BCL2: variants seen among roughly 807,000 people sequenced by gnomAD.
BCL2 encodes the protein BCL2 apoptosis regulator.
A neutral mutation model predicts 14.2 loss-of-function variants in BCL2; 1 was observed. The observed-to-expected ratio is 0.07, with a 90% CI of 0.02 to 0.33. The LOEUF is 0.33. Ranked by LOEUF, BCL2 falls within the 10% of genes least tolerant of loss-of-function variation. The pLI is 0.99. For missense variants in BCL2, 247 were observed against 305.9 expected (o/e 0.81, Z 1.44); for synonymous variants, 151 against 137.2 (o/e 1.10, Z -0.70).
At chr18:63,202,628 A>G (rs576195459) in intron 2 of BCL2, among the ~76,000 whole-genome samples, 16 of 152,310 alleles carry the variant, frequency 1.1e-4, no homozygotes, top group African/African-American at 3.6e-4. Flanking sequence ...TGTTTACAGT[A>G]TTATTGCTTG....
intron 2 of BCL2, among the ~76,000 whole-genome samples, chr18:63,251,020 G>C (rs2144207874): frequency 6.6e-6 from 1 of 152,124 alleles, no homozygotes; most frequent in Non-Finnish European, 1.5e-5. Context: ...TTCTTGGCTG[G>C]GTTATGAATT....
intron 2 of BCL2, among the ~76,000 whole-genome samples, chr18:63,271,899 T>A (rs1171400249): frequency 6.6e-6 from 1 of 152,234 alleles, no homozygotes; most frequent in Admixed American, 6.5e-5. Context: ...CCAGGGTTGA[T>A]GAACCCCTGG....
At chr18:63,222,204 G>A (rs1331671126) in intron 2 of BCL2, among the ~76,000 whole-genome samples, 1 of 148,518 alleles carries the variant, frequency 6.7e-6, no homozygotes, top group Non-Finnish European at 1.5e-5. Flanking sequence ...AACTTGGGAG[G>A]CAGAGGTTTC....
intron 2 of BCL2, among the ~76,000 whole-genome samples, chr18:63,187,482 C>T (rs564458293): frequency 2.0e-5 from 3 of 152,306 alleles, no homozygotes; most frequent in African/African-American, 4.8e-5. Flanking sequence ...TTCAGGACTC[C>T]GTGTAGTTAT....
At chr18:63,289,272 A>G (rs1912568651) in intron 2 of BCL2, among the ~76,000 whole-genome samples, 1 of 152,182 alleles carries the variant, frequency 6.6e-6, no homozygotes, top group Admixed American at 6.5e-5. Context: ...GAAAAATGGC[A>G]CAAAAAAAAA....
rs1404633261 is a variant in BCL2, at chr18:63,128,081, C to G, written c.*544G>C. On this transcript the variant is annotated 3_prime_UTR_variant, in exon 3 of 3. Transcript: ENST00000333681. ...TTCAGGCCAGGGAGGCATGGACTTC[C>G]CCCCACAGGAACCCTCCCTCTGTTA... 1 of 226,248 alleles carries G rather than the reference C, an allele frequency of 4.4e-6. No homozygotes were observed. The highest frequency in any genetic ancestry group is 2.2e-5 in the African/African-American group (1 of 44,850). 14.0% of individuals were successfully genotyped at this position (226,248 alleles called of 1,614,324 possible). A position where few individuals can be genotyped will look rare whatever the true frequency, so the allele number is the denominator to read the frequency against.
At chr18:63,192,017 C>A (rs1400937652) in intron 2 of BCL2, among the ~76,000 whole-genome samples, 1 of 152,218 alleles carries the variant, frequency 6.6e-6, no homozygotes, top group Non-Finnish European at 1.5e-5. Context: ...CTACTATGTG[C>A]AGGGTGCTCA....
At chr18:63,260,909 A>T (rs1032604770) in intron 2 of BCL2, among the ~76,000 whole-genome samples, 1 of 152,242 alleles carries the variant, frequency 6.6e-6, no homozygotes, top group African/African-American at 2.4e-5. Flanking sequence ...TACATAAAAC[A>T]GCACCCATAA....
At chr18:63,134,329 C>G (rs1568212227) in intron 2 of BCL2, among the ~76,000 whole-genome samples, 1 of 152,118 alleles carries the variant, frequency 6.6e-6, no homozygotes, top group Non-Finnish European at 1.5e-5. Flanking sequence ...CATAATTTGA[C>G]AGACAAAAAT....
rs1255282594 is a variant in BCL2, at chr18:63,123,772, A to T, written c.*4853T>A. The T allele has an allele frequency of 4.6e-6, 1 of 219,000 alleles. No homozygotes were observed. Among genetic ancestry groups the T allele is most frequent in the Non-Finnish European group, 9.2e-6 (1 of 109,086 alleles). The allele number at this position is 219,000 out of a possible 1,614,324, so 13.6% of individuals were successfully genotyped here. ...AGCTTCCCCAAAAGAAATGCAATCC[A>T]CTGTCACTCTTGCAAATTCTACCTT... On this transcript the variant is annotated 3_prime_UTR_variant, in exon 3 of 3. Coordinates refer to ENST00000333681, the MANE Select transcript of BCL2 (RefSeq NM_000633.3).
Position 63,128,555 on chromosome 18 carries a change from T to A in BCL2, c.*70A>T. On this transcript the variant is annotated 3_prime_UTR_variant, in exon 3 of 3. Coordinates refer to ENST00000333681, the MANE Select transcript of BCL2 (RefSeq NM_000633.3). ...GCAGCTTTGTTTCATGGTACATCACTGACAATGCATATTATTTCTACTGCT... is the reference window on the plus strand; with the variant it reads ...GCAGCTTTGTTTCATGGTACATCACAGACAATGCATATTATTTCTACTGCT... 1 of 754,894 alleles carries A rather than the reference T, an allele frequency of 1.3e-6. No homozygotes were observed. Among genetic ancestry groups the A allele is most frequent in the Non-Finnish European group, 2.5e-6 (1 of 403,094 alleles). The allele number at this position is 754,894 out of a possible 1,614,324, so 46.8% of individuals were successfully genotyped here.
chr18:63,318,089 C>T lies in BCL2; in HGVS notation c.578G>A (p.Gly193Glu). The change falls in exon 2 of 3, where the codon GGA becomes GAA. Residue 193 changes from glycine to glutamate, a missense_variant. Physicochemically the swap from Gly to Glu is moderately conservative, Grantham distance 98 (BLOSUM62 -2). Transcript: ENST00000333681. This position sits in a 1 kb window ranked among gnomAD's most constrained non-coding sequence, Gnocchi z 7.4. ...RHLHTWIQDN[G>E]GWDAFVELYG... ...ATCACCAAGTGCACCTACCCAGCCT[C>T]CGTTATCCTGGATCCAGGTGTGCAG... The T allele has an allele frequency of 6.2e-7, 1 of 1,614,058 alleles. No homozygotes were observed. The highest frequency in any genetic ancestry group is 8.5e-7 in the Non-Finnish European group (1 of 1,180,016).
In BCL2 at chr18:63,170,232, G is replaced by A. The variant is rs78325934; in HGVS notation, c.586-41473C>T. ...TATACGACATGCTTAAAACAGTGACGGGCACATGGTAAGTGTGAGCTCTCA... is the reference window on the plus strand; with the variant it reads ...TATACGACATGCTTAAAACAGTGACAGGCACATGGTAAGTGTGAGCTCTCA... On this transcript the variant is annotated intron_variant, in intron 2 of 2. Transcript: ENST00000333681. Among the ~76,000 whole-genome samples, 1,272 of 152,106 alleles carry A rather than the reference G, an allele frequency of 8.4e-3. 10 individuals carry two copies. The highest frequency in any genetic ancestry group is 0.028 in the African/African-American group (1,150 of 41,442).
At chr18:63,253,921 T>TC (rs397736473) in intron 2 of BCL2, among the ~76,000 whole-genome samples, 1 of 151,150 alleles carries the variant, frequency 6.6e-6, no homozygotes, top group Non-Finnish European at 1.5e-5. Flanking sequence ...TTTTTTTTTT[T>TC]CCACCCTACT....
At chr18:63,144,004 C>T (rs1340967828) in intron 2 of BCL2, among the ~76,000 whole-genome samples, 1 of 152,206 alleles carries the variant, frequency 6.6e-6, no homozygotes, top group African/African-American at 2.4e-5. Flanking sequence ...GAGATATGCA[C>T]ACCTAAGGTC....
chr18:63,147,619 C>T (rs1217827298), intron 2 of BCL2, among the ~76,000 whole-genome samples: 1 of 152,160 alleles, frequency 6.6e-6, no homozygotes, highest in Non-Finnish European at 1.5e-5. Context: ...TTTGTAAAGT[C>T]CCAACTATTT....
intron 2 of BCL2, among the ~76,000 whole-genome samples, chr18:63,303,084 T>C (rs1445384173): frequency 3.3e-5 from 5 of 152,178 alleles, no homozygotes; most frequent in Non-Finnish European, 5.9e-5. Flanking sequence ...ACTAAGGTCA[T>C]GCCTAAAATA....
chr18:63,227,850 G>A (rs1243175431), intron 2 of BCL2, among the ~76,000 whole-genome samples: 2 of 152,204 alleles, frequency 1.3e-5, no homozygotes, highest in Admixed American at 6.5e-5. Context: ...AATACCATAG[G>A]GAAATGCTCA....
At chr18:63,174,441 C>T (rs1915301557) in intron 2 of BCL2, among the ~76,000 whole-genome samples, 1 of 151,980 alleles carries the variant, frequency 6.6e-6, no homozygotes. Flanking sequence ...TGTCAATTTA[C>T]AACCTAGTCT....
Sources: gnomAD v4.1 joint callset for allele counts (sites outside exome capture counted in the v4.1 genomes callset) on GRCh38, gnomAD v4.1.1 for gene constraint, Gnocchi (gnomAD v3.1) non-coding constraint, MANE v1.5 for transcripts, NCBI Gene and HGNC (gene_info 2026-07-23, HGNC 2026-07-21) for gene names.